DAB1: variants seen among roughly 807,000 people sequenced by gnomAD.
DAB1 encodes the protein disabled homolog 1.
Under a neutral mutation model 64.6 loss-of-function variants are expected in DAB1, and 15 were observed. The observed-to-expected ratio is 0.23, with a 90% confidence interval of 0.16 to 0.36. The LOEUF is 0.36. Among genes scored for constraint, DAB1 ranks in the 10% least tolerant of loss-of-function variants. The pLI is 1.00. For missense variants in DAB1, 596 were observed against 706.7 expected (o/e 0.84, Z 1.78); for synonymous variants, 235 against 251.9 (o/e 0.93, Z 0.64).
intron 6 of DAB1, among the ~76,000 whole-genome samples, chr1:57,652,662 C>T (rs75551787): frequency 0.034 from 5,201 of 152,028 alleles, 288 homozygotes; most frequent in African/African-American, 0.11. Flanking sequence ...TTATTTAATT[C>T]TTCTCTCATT....
intron 5 of DAB1, among the ~76,000 whole-genome samples, chr1:58,073,919 G>A (rs981154761): frequency 6.6e-5 from 10 of 152,080 alleles, no homozygotes; most frequent in African/African-American, 2.2e-4. Context: ...GAACCCCTGG[G>A]GACATCCTCA....
chr1:57,523,643 C>G (rs1421975886), intron 7 of DAB1, among the ~76,000 whole-genome samples: 1 of 152,010 alleles, frequency 6.6e-6, no homozygotes, highest in Non-Finnish European at 1.5e-5. Flanking sequence ...ACAATTAGGC[C>G]AGGTGCGGTG....
intron 1 of DAB1, among the ~76,000 whole-genome samples, chr1:57,312,873 A>AG (rs977755653): frequency 6.6e-6 from 1 of 151,816 alleles, no homozygotes; most frequent in Non-Finnish European, 1.5e-5. Flanking sequence ...TCAGAGTTCC[A>AG]GGGGGACGGT....
chr1:58,139,178 C>A (rs1190790152), intron 5 of DAB1, among the ~76,000 whole-genome samples: 1 of 152,148 alleles, frequency 6.6e-6, no homozygotes, highest in African/African-American at 2.4e-5. Context: ...CCTTCAGATT[C>A]TTCCGTCAAA....
chr1:58,537,871 A>G (rs1271762439), intron 1 of DAB1, among the ~76,000 whole-genome samples: 1 of 152,192 alleles, frequency 6.6e-6, no homozygotes, highest in Admixed American at 6.5e-5. Flanking sequence ...ATTTTAGGTG[A>G]TCAACAATAG....
At chr1:58,436,081 A>G (rs574552347) in intron 3 of DAB1, among the ~76,000 whole-genome samples, 2 of 152,322 alleles carry the variant, frequency 1.3e-5, no homozygotes, top group African/African-American at 4.8e-5. Context: ...TGAAAAACAC[A>G]GAAACTTTAA....
At chr1:58,054,899 T>C (rs1647961194) in intron 5 of DAB1, among the ~76,000 whole-genome samples, 1 of 152,214 alleles carries the variant, frequency 6.6e-6, no homozygotes, top group African/African-American at 2.4e-5. Context: ...CAACCCGCTG[T>C]CAAGCAATGG....
At chr1:57,529,617 T>C (rs542440037) in intron 7 of DAB1, among the ~76,000 whole-genome samples, 4 of 152,220 alleles carry the variant, frequency 2.6e-5, no homozygotes, top group Non-Finnish European at 4.4e-5. Flanking sequence ...ACAATATTAC[T>C]AGAGGTAAAG....
At chr1:58,506,018 T>C (rs1305455880) in intron 3 of DAB1, 3 of 806,150 alleles carry the variant, frequency 3.7e-6, no homozygotes, top group Non-Finnish European at 6.5e-6. Flanking sequence ...AAATAAATGA[T>C]ACAGTAAAAA....
Position 58,334,631 on chromosome 1 carries a change from TATATCATATC to T in DAB1, n.309+8711_309+8720del, listed in dbSNP as rs1173379765. Among the ~76,000 whole-genome samples the T allele has an allele frequency of 4.8e-5, 4 of 83,222 alleles. No individual in the cohort carries two copies. The South Asian group carries it at 2.2e-3, about 46-fold the overall frequency. 54.6% of individuals were successfully genotyped at this position (83,222 alleles called of 152,430 possible). ...TATATTATATTATATTATATTATAT[TATATCATATC>T]ATATCATATCATATTATATTATATT... On this transcript the variant is annotated intron_variant and non_coding_transcript_variant, in intron 4 of 20. Coordinates refer to the DAB1 transcript ENST00000485760.
intron 3 of DAB1, among the ~76,000 whole-genome samples, chr1:58,370,097 A>G (rs1001635418): frequency 1.3e-5 from 2 of 152,338 alleles, no homozygotes; most frequent in East Asian, 1.9e-4. Context: ...TATGTATTCA[A>G]TGAGGATTGC....
At chr1:57,614,704 CCTT>C (rs375052298) in intron 7 of DAB1, among the ~76,000 whole-genome samples, 7 of 152,106 alleles carry the variant, frequency 4.6e-5, no homozygotes, top group Non-Finnish European at 7.4e-5. Flanking sequence ...ATGTTGGACT[CCTT>C]CTCTTTGTAA....
At chr1:57,009,267 C>T (rs1371635964) in intron 14 of DAB1, among the ~76,000 whole-genome samples, 2 of 152,160 alleles carry the variant, frequency 1.3e-5, no homozygotes, top group East Asian at 3.9e-4. Context: ...TGCCTATAGT[C>T]CCCAACTTTT....
chr1:57,029,879 T>A (rs541555368), intron 9 of DAB1, among the ~76,000 whole-genome samples: 6 of 152,332 alleles, frequency 3.9e-5, no homozygotes, highest in Admixed American at 3.9e-4. Context: ...ACTTGTCTTG[T>A]CTCAGATGAG....
intron 7 of DAB1, among the ~76,000 whole-genome samples, chr1:57,618,284 G>C (rs1645813382): frequency 6.6e-6 from 1 of 151,982 alleles, no homozygotes; most frequent in Non-Finnish European, 1.5e-5. Flanking sequence ...GCATGGTGGT[G>C]CATGCCTGTA....
chr1:57,575,619 G>GA (rs1645241125), intron 7 of DAB1, among the ~76,000 whole-genome samples: 1 of 152,134 alleles, frequency 6.6e-6, no homozygotes, highest in African/African-American at 2.4e-5. Context: ...TTATAGAAAT[G>GA]AAAAAACAGA....
intron 3 of DAB1, among the ~76,000 whole-genome samples, chr1:58,373,262 G>A (rs555772838): frequency 5.5e-5 from 8 of 145,882 alleles, no homozygotes; most frequent in African/African-American, 2.0e-4. Flanking sequence ...ATGCTGGTGC[G>A]CTGCACCCAC....
At chr1:58,375,838 T>C (rs373288016) in intron 3 of DAB1, among the ~76,000 whole-genome samples, 6,437 of 146,006 alleles carry the variant, frequency 0.044, 238 homozygotes, top group East Asian at 0.18. Flanking sequence ...GGTAAACTAT[T>C]GATTATTGCC....
intron 7 of DAB1, among the ~76,000 whole-genome samples, chr1:57,523,662 C>T (rs1464579762): frequency 2.0e-5 from 3 of 152,190 alleles, no homozygotes; most frequent in Non-Finnish European, 4.4e-5. Flanking sequence ...TGGCTCACAC[C>T]TGTAATCCCA....
Sources: gnomAD v4.1 joint callset for allele counts (sites outside exome capture counted in the v4.1 genomes callset) on GRCh38, gnomAD v4.1.1 for gene constraint, MANE v1.5 for transcripts, NCBI Gene and HGNC (gene_info 2026-07-23, HGNC 2026-07-21) for gene names.